The following COMMD5 variants were observed in gnomAD, a reference collection of about 807,000 sequenced individuals.
The protein encoded by COMMD5 is COMM domain-containing protein 5.
Under a neutral mutation model 6.9 loss-of-function variants are expected in COMMD5, and 10 were observed. That is an observed-to-expected ratio of 1.44 (90% CI 0.89 to 2.45). The LOEUF (loss-of-function observed/expected upper bound fraction) is 2.45. COMMD5 is among the 30% of genes most tolerant of loss of function. The pLI is 0.00. For synonymous variants in COMMD5, 127 were observed against 125.3 expected (o/e 1.01, Z -0.09); for missense variants, 234 against 287.8 (o/e 0.81, Z 1.35).
chr8:144,850,696 C>A lies in COMMD5; in HGVS notation c.643G>T (p.Glu215Ter). ...ALVLKEMADLEKRCERRLQD is the reference protein window; with the variant it reads ...ALVLKEMADL ...TGCAGTCTGCGCTCACACCTCTTCT[C>A]CAGATCTGCCATCTCCTTTAGGACC... Residue 215 changes from glutamate (E) to a stop codon, truncating the protein, a stop_gained, in exon 2 of 2, where the codon GAG becomes TAG. Transcript: ENST00000305103. LOFTEE classifies it high-confidence loss of function. The surrounding 1 kb of genome is among the most constrained non-coding windows in gnomAD (Gnocchi z 4.0). The A allele has an allele frequency of 6.2e-7, 1 of 1,613,952 alleles. No homozygotes were observed. Among genetic ancestry groups the A allele is most frequent in the Non-Finnish European group, 8.5e-7 (1 of 1,180,036 alleles).
chr8:144,847,994 C>T (rs1313038668), downstream of COMMD5, among the ~76,000 whole-genome samples: 1 of 152,088 alleles, frequency 6.6e-6, no homozygotes. Flanking sequence ...TTGGCGCCAA[C>T]CATGCCTGGA....
downstream of COMMD5, chr8:144,838,396 C>T (rs569274897): frequency 7.0e-4 from 328 of 469,104 alleles, 1 homozygote; most frequent in Non-Finnish European, 1.0e-3. Flanking sequence ...CCACTGCCTC[C>T]GGCATCAGCT....
chr8:144,841,067 C>T, exon 2 of COMMD5: 1 of 384,456 alleles, frequency 2.6e-6, no homozygotes, highest in Non-Finnish European at 4.7e-6. Flanking sequence ...TCTGCATGGA[C>T]TGTGCCCCAC....
exon 2 of COMMD5, chr8:144,841,289 A>G: frequency 3.3e-6 from 5 of 1,497,266 alleles, no homozygotes; most frequent in South Asian, 1.3e-5. Flanking sequence ...TGGCCCCCGC[A>G]TTTGTAGTCT....
At position 144,841,963 on chromosome 8, in the gene COMMD5, G is replaced by A. The variant is rs1242597891; in HGVS notation, c.*117-220C>T. 8 of 1,614,170 alleles carry A rather than the reference G, an allele frequency of 5.0e-6. No individual in the cohort carries two copies. The Admixed American group carries it at 1.3e-4, about 27-fold the overall frequency. On this transcript the variant is annotated intron_variant and NMD_transcript_variant, in intron 1 of 1. Transcript: ENST00000530332. Reference sequence around the variant, plus strand: ...CTTTAAATGCACTGAGTGTGGAAAAGCCTTCCGCCTGAGCTCAAAACTTAT... The same window carrying A: ...CTTTAAATGCACTGAGTGTGGAAAAACCTTCCGCCTGAGCTCAAAACTTAT...
downstream of COMMD5, among the ~76,000 whole-genome samples, chr8:144,848,336 A>G (rs867986353): frequency 1.3e-5 from 2 of 152,220 alleles, no homozygotes; most frequent in Middle Eastern, 6.8e-3. Context: ...ATCCATTAAA[A>G]AAATATCATT....
chr8:144,842,110 G>A, intron 1 of COMMD5: 6 of 1,614,054 alleles, frequency 3.7e-6, no homozygotes, highest in African/African-American at 1.3e-5. Flanking sequence ...GAGGCCCTAT[G>A]GTTGTCGTGA....
chr8:144,838,100 C>T (rs561748176), downstream of COMMD5: 39 of 702,978 alleles, frequency 5.5e-5, no homozygotes, highest in East Asian at 1.6e-4. Context: ...CCTGCCTCTC[C>T]GGGCAGCTGG....
In COMMD5 at chr8:144,850,991, G is replaced by A. The variant is rs1830714859; in HGVS notation, c.348C>T (p.Leu116=). ...CCCCGACCAGGTCTTGGGGGATGCA[G>A]AGCTCCTGGAGCTGGTCCCTGAAGG... The part of the protein sequence containing the change: ...PDTFRDQLQE[L]CIPQDLVGDL... The change falls in exon 2 of 2, where the codon CTC becomes CTT. Residue 116 remains leucine, a synonymous_variant. Coordinates refer to ENST00000305103, the MANE Select transcript of COMMD5 (RefSeq NM_014066.4). The surrounding 1 kb of genome is among the most constrained non-coding windows in gnomAD (Gnocchi z 4.0). 1 of 1,612,222 alleles carries A rather than the reference G, an allele frequency of 6.2e-7. No individual in the cohort carries two copies. Among genetic ancestry groups the A allele is most frequent in the Non-Finnish European group, 8.5e-7 (1 of 1,179,692 alleles).
Position 144,850,553 on chromosome 8 carries a change from A to AG in COMMD5, c.*110dup. ...AATTACGTTCAAACACTCACTGAAG[A>AG]GCCTGCCTCATGGGAAGGGCAGGGC... is the stretch of plus-strand genomic sequence containing the variant. On this transcript the variant is annotated 3_prime_UTR_variant, in exon 2 of 2. Transcript: ENST00000305103. This position sits in a 1 kb window ranked among gnomAD's most constrained non-coding sequence, Gnocchi z 4.0. 3.6e-6 allele frequency: 4 copies of AG among 1,110,648 alleles called. No individual in the cohort carries two copies. The Admixed American group carries it at 1.1e-4, about 29-fold the overall frequency. 68.8% of individuals were successfully genotyped at this position (1,110,648 alleles called of 1,614,324 possible). A position where few individuals can be genotyped will look rare whatever the true frequency, so the allele number is the denominator to read the frequency against.
chr8:144,851,421 C>G, intron 1 of COMMD5, 26 bp from the exon 2 acceptor site: 1 of 1,452,922 alleles, frequency 6.9e-7, no homozygotes. Flanking sequence ...GGAGAGAAGA[C>G]CAGTGACTCT....
chr8:144,851,424 GTGAC>G, intron 1 of COMMD5, 29 bp from the exon 2 acceptor site: 1 of 1,445,098 alleles, frequency 6.9e-7, no homozygotes, highest in South Asian at 1.3e-5. Flanking sequence ...GAGAAGACCA[GTGAC>G]TCTCACATCC....
At position 144,841,385 on chromosome 8, in the gene COMMD5, C is replaced by T. The variant is rs754596607; in HGVS notation, c.*475G>A. On this transcript the variant is annotated 3_prime_UTR_variant and NMD_transcript_variant, in exon 2 of 2. Coordinates refer to the COMMD5 transcript ENST00000530332. ...ACGATTAGGACTGAAAATGAGCAGG[C>T]CTGTGAGGACATGGACATCCTAAAA... The T allele has an allele frequency of 4.3e-6, 7 of 1,611,272 alleles. No homozygotes were observed. The highest frequency in any genetic ancestry group is 4.5e-5 in the East Asian group (2 of 44,776).
chr8:144,841,317 C>T lies in COMMD5; in HGVS notation c.*543G>A, dbSNP rs369556795. 19 of 1,554,614 alleles carry T rather than the reference C, an allele frequency of 1.2e-5. No individual in the cohort carries two copies. In the East Asian group the frequency reaches 3.2e-4, roughly 26 times the overall value. The stretch of plus-strand genomic sequence containing the variant: ...TGTAGTCTTATCATTTCTCTGAGCA[C>T]AGGGCCTAAGGAACGTCTTTGTTCC... On this transcript the variant is annotated 3_prime_UTR_variant and NMD_transcript_variant, in exon 2 of 2. Coordinates refer to the COMMD5 transcript ENST00000530332.
downstream of COMMD5, chr8:144,846,438 G>A (rs560767911): frequency 5.1e-6 from 2 of 391,604 alleles, no homozygotes; most frequent in East Asian, 8.4e-5. Flanking sequence ...TGGGCTTGGT[G>A]ATGCCCAAGC....
chr8:144,849,807 C>T (rs1484905253), downstream of COMMD5, among the ~76,000 whole-genome samples: 1 of 149,340 alleles, frequency 6.7e-6, no homozygotes, highest in African/African-American at 2.6e-5. Flanking sequence ...CCCCTCCACA[C>T]AGCAGCCAAT....
chr8:144,842,230 T>C (rs1830027773), intron 1 of COMMD5: 1 of 1,613,972 alleles, frequency 6.2e-7, no homozygotes, highest in African/African-American at 1.3e-5. Flanking sequence ...CAGCCAGAGC[T>C]CCACCCTAGC....
downstream of COMMD5, among the ~76,000 whole-genome samples, chr8:144,849,737 CT>C (rs1830653106): frequency 6.6e-6 from 1 of 152,146 alleles, no homozygotes; most frequent in Admixed American, 6.5e-5. Flanking sequence ...GGAGAGGTCC[CT>C]GCCACCAACT....
chr8:144,852,104 G>A (rs1830773265), intron 1 of COMMD5, among the ~76,000 whole-genome samples: 1 of 143,948 alleles, frequency 6.9e-6, no homozygotes, highest in South Asian at 2.4e-4. Flanking sequence ...TCGAGCCGCT[G>A]CACTCCAGCC....
Sources: gnomAD v4.1 joint callset for allele counts (sites outside exome capture counted in the v4.1 genomes callset) on GRCh38, gnomAD v4.1.1 for gene constraint, Gnocchi (gnomAD v3.1) non-coding constraint, MANE v1.5 for transcripts, NCBI Gene and HGNC (gene_info 2026-07-23, HGNC 2026-07-21) for gene names.